Variants in TDRD9 observed in about 807,000 individuals in gnomAD.
The protein encoded by TDRD9 is tudor domain containing 9, also known as ATP-dependent RNA helicase TDRD9.
Under a neutral mutation model 172.6 loss-of-function variants are expected in TDRD9, and 124 were observed. The observed-to-expected ratio is 0.72, with a 90% confidence interval of 0.62 to 0.83. The LOEUF is 0.83. Among genes scored for constraint, TDRD9 ranks in the 40% least tolerant of loss-of-function variants. The probability of loss-of-function intolerance (pLI) is 0.00; values close to 1 mark genes in which losing one functional copy is unlikely to be tolerated. For synonymous variants in TDRD9, 619 were observed against 617.1 expected (o/e 1.00, Z -0.05); for missense variants, 1,479 against 1,714.1 (o/e 0.86, Z 2.42).
intron 13 of TDRD9, among the ~76,000 whole-genome samples, chr14:103,998,995 G>A (rs571968416): frequency 1.2e-4 from 19 of 152,194 alleles, no homozygotes; most frequent in South Asian, 4.2e-4. Flanking sequence ...GGGTTTCGCC[G>A]TGTTAGCCAG....
In TDRD9 at chr14:104,016,103, C is replaced by T. The variant is rs571634387; in HGVS notation, c.2331+15C>T. 11 of 1,562,808 alleles carry T rather than the reference C, an allele frequency of 7.0e-6. No homozygotes were observed. In the East Asian group the frequency reaches 2.1e-4, roughly 29 times the overall value. ...CAACTGTCGTGGTAGGTGCTGGGGG[C>T]AGGCCGTCCTCTCTGGGGTGTGGTG... On this transcript the variant is annotated intron_variant, in intron 22 of 35. Coordinates refer to ENST00000409874, the MANE Select transcript of TDRD9 (RefSeq NM_153046.3).
At chr14:103,950,768 T>TA (rs1229723445) in intron 1 of TDRD9, among the ~76,000 whole-genome samples, 1 of 152,218 alleles carries the variant, frequency 6.6e-6, no homozygotes, top group Non-Finnish European at 1.5e-5. Context: ...GTCATTAATG[T>TA]TAAAACCCTG....
At position 103,998,707 on chromosome 14, in the gene TDRD9, A is replaced by G. The variant is rs372115265; in HGVS notation, c.1462A>G (p.Thr488Ala). ...QSLRLSWASKTSCNQRKGRAG... is the reference protein window; with the variant it reads ...QSLRLSWASKASCNQRKGRAG... ...TCTGCGATTGAGTTGGGCTTCTAAAACCAGCTGTAATCAGAGAAAAGGTAA... is the reference window on the plus strand; with the variant it reads ...TCTGCGATTGAGTTGGGCTTCTAAAGCCAGCTGTAATCAGAGAAAAGGTAA... The change falls in exon 13 of 36, where the codon ACC (threonine) becomes GCC (alanine). Residue 488 changes from threonine (T) to alanine (A), a missense_variant. By Grantham distance (58) the Thr-to-Ala change is moderately conservative. Coordinates refer to ENST00000409874, the MANE Select transcript of TDRD9 (RefSeq NM_153046.3). 6.3e-7 allele frequency: 1 copy of G among 1,586,748 alleles called. No homozygotes were observed. The highest frequency in any genetic ancestry group is 1.3e-5 in the African/African-American group (1 of 74,564).
At chr14:103,978,446 T>TA (rs1238931501) in intron 7 of TDRD9, among the ~76,000 whole-genome samples, 2 of 152,270 alleles carry the variant, frequency 1.3e-5, no homozygotes, top group African/African-American at 4.8e-5. Flanking sequence ...TAGTAACACT[T>TA]AAAAAAACCT....
At chr14:104,043,577 C>G (rs1251864640) in intron 34 of TDRD9, among the ~76,000 whole-genome samples, 1 of 152,106 alleles carries the variant, frequency 6.6e-6, no homozygotes, top group African/African-American at 2.4e-5. Flanking sequence ...AGTTTAAGTA[C>G]ACAGGTATAT....
chr14:103,941,266 T>G, intron 1 of TDRD9: 2 of 945,040 alleles, frequency 2.1e-6, no homozygotes, highest in Non-Finnish European at 3.1e-6. Flanking sequence ...TAAATGTAAT[T>G]TAAAACAATT....
intron 1 of TDRD9, among the ~76,000 whole-genome samples, chr14:103,936,889 C>T (rs1411133586): frequency 6.6e-6 from 1 of 152,076 alleles, no homozygotes; most frequent in East Asian, 1.9e-4. Flanking sequence ...GCCGGGAATT[C>T]GAGACTAGCC....
rs181039066 is a variant in TDRD9, at chr14:103,952,371, A to G, written c.216-3293A>G. ...ATCTTCCTGCCTCAGCTTCCCGAGT[A>G]TCTGGGACTACAGGCGCCCGCCACC... On this transcript the variant is annotated intron_variant, in intron 1 of 35. Coordinates refer to ENST00000409874, the MANE Select transcript of TDRD9 (RefSeq NM_153046.3). Among the ~76,000 whole-genome samples the G allele has an allele frequency of 4.3e-3, 643 of 148,154 alleles. 5 individuals carry two copies. The highest frequency in any genetic ancestry group is 0.015 in the African/African-American group (614 of 40,312).
At chr14:103,995,852 A>G (rs2152204550) in intron 12 of TDRD9, 45 bp downstream of exon 12, 4 of 1,527,190 alleles carry the variant, frequency 2.6e-6, no homozygotes, top group South Asian at 1.2e-5. Context: ...CTGTAGTGCC[A>G]TATTTATTGG....
At chr14:104,001,220 C>T (rs1242042615) in intron 13 of TDRD9, among the ~76,000 whole-genome samples, 1 of 152,270 alleles carries the variant, frequency 6.6e-6, no homozygotes, top group East Asian at 1.9e-4. Flanking sequence ...TGCCCCCTTG[C>T]AGCCATACCT....
chr14:103,994,530 A>G lies in TDRD9; in HGVS notation c.1247A>G (p.Tyr416Cys), dbSNP rs930829623. The change falls in exon 11 of 36, where the codon TAT (tyrosine) becomes TGT (cysteine). Residue 416 changes from tyrosine to cysteine, a missense_variant. Physicochemically the swap from Tyr to Cys is radical, Grantham distance 194. Around this residue, in one of 3 missense-constraint regions of TDRD9, gnomAD observed 1,413 missense variants for 1,649.1 expected, o/e 0.86. Transcript: ENST00000409874. ...TAGTAATTTCTTAGGTTGCAGGTCT[A>G]TCCACTCCATTCAAGTGTGGCTTTA... is the stretch of plus-strand genomic sequence containing the variant. ...TSLVHKRLQV[Y>C]PLHSSVALEE... 1.2e-6 allele frequency: 2 copies of G among 1,613,762 alleles called. No homozygotes were observed. Among genetic ancestry groups the G allele is most frequent in the African/African-American group, 1.3e-5 (1 of 74,920 alleles).
intron 22 of TDRD9, among the ~76,000 whole-genome samples, chr14:104,017,835 C>T (rs1274276007): frequency 3.3e-5 from 5 of 152,120 alleles, no homozygotes; most frequent in Non-Finnish European, 5.9e-5. Flanking sequence ...GTAAACAAAT[C>T]TTAATTTTGC....
In TDRD9 at chr14:103,928,476, G is replaced by A; in HGVS notation, c.-34G>A. On this transcript the variant is annotated 5_prime_UTR_variant, in exon 1 of 36. Coordinates refer to ENST00000409874, the MANE Select transcript of TDRD9 (RefSeq NM_153046.3). ...CGCCTGTTCCCGCCGCGGAGACCCGGCAGTTGGGGGATGCCGACGCCTGGG... is the reference window on the plus strand; with the variant it reads ...CGCCTGTTCCCGCCGCGGAGACCCGACAGTTGGGGGATGCCGACGCCTGGG... The A allele has an allele frequency of 1.4e-6, 2 of 1,427,852 alleles. No homozygotes were observed. The highest frequency in any genetic ancestry group is 1.8e-6 in the Non-Finnish European group (2 of 1,081,242). The allele number at this position is 1,427,852 out of a possible 1,614,324, so 88.4% of individuals were successfully genotyped here. A position where few individuals can be genotyped will look rare whatever the true frequency, so the allele number is the denominator to read the frequency against.
intron 34 of TDRD9, among the ~76,000 whole-genome samples, chr14:104,044,023 T>G (rs1442463754): frequency 6.6e-6 from 1 of 152,170 alleles, no homozygotes; most frequent in Non-Finnish European, 1.5e-5. Flanking sequence ...AGCCTGTGTG[T>G]CATACGGTAC....
chr14:103,973,515 C>G (rs909054676), intron 6 of TDRD9, among the ~76,000 whole-genome samples: 3 of 152,190 alleles, frequency 2.0e-5, no homozygotes, highest in African/African-American at 7.2e-5. Context: ...AGGCAGTTGT[C>G]TTGGGTGTCT....
intron 34 of TDRD9, among the ~76,000 whole-genome samples, chr14:104,045,858 C>T (rs772779445): frequency 2.6e-5 from 4 of 152,238 alleles, no homozygotes; most frequent in Non-Finnish European, 5.9e-5. Context: ...CATGCTCCCG[C>T]ACTTCCCAGC....
At chr14:103,986,363 G>A in intron 8 of TDRD9, 43 bp downstream of exon 8, 1 of 1,385,480 alleles carries the variant, frequency 7.2e-7, no homozygotes, top group Non-Finnish European at 9.9e-7. Context: ...ATGTATATGT[G>A]ATTTAAAAAA....
chr14:103,987,919 G>T lies in TDRD9; in HGVS notation c.1115+1599G>T, dbSNP rs544892675. ...TGTCAGTTTTTGCTTTATGTATTTTGGTTCTCTGTTGCTAGATGCATATAT... is the reference window on the plus strand; with the variant it reads ...TGTCAGTTTTTGCTTTATGTATTTTTGTTCTCTGTTGCTAGATGCATATAT... On this transcript the variant is annotated intron_variant, in intron 8 of 35. Transcript: ENST00000409874. 7.4e-4 allele frequency among the ~76,000 whole-genome samples: 112 copies of T among 152,090 alleles called. 2 individuals carry two copies. In the South Asian group the frequency reaches 0.013, roughly 18 times the overall value.
chr14:104,045,808 G>T (rs2035756706), intron 34 of TDRD9, among the ~76,000 whole-genome samples: 2 of 152,214 alleles, frequency 1.3e-5, no homozygotes, highest in Admixed American at 1.3e-4. Context: ...CCTCTGCCAT[G>T]TCATGATGCA....
Sources: gnomAD v4.1 joint callset for allele counts (sites outside exome capture counted in the v4.1 genomes callset) on GRCh38, gnomAD v4.1.1 for gene constraint, gnomAD v4.1.1 regional missense constraint, MANE v1.5 for transcripts, NCBI Gene and HGNC (gene_info 2026-07-23, HGNC 2026-07-21) for gene names.